PPL: variants seen among roughly 807,000 people sequenced by gnomAD.
PPL encodes the protein periplakin.
In PPL, 198 loss-of-function variants were observed where a neutral mutation model predicts 194.4. That is an observed-to-expected ratio of 1.02 (90% CI 0.91 to 1.15). The LOEUF (loss-of-function observed/expected upper bound fraction) is 1.15. PPL is among the 50% of genes most tolerant of loss of function. The probability of loss-of-function intolerance (pLI) is 0.00; values close to 1 mark genes in which losing one functional copy is unlikely to be tolerated. For synonymous variants in PPL, 1,220 were observed against 972.4 expected (o/e 1.25, Z -4.74); for missense variants, 2,885 against 2,294.8 (o/e 1.26, Z -5.25).
chr16:4,926,878 C>CAATAA (rs2089163552), intron 1 of PPL, among the ~76,000 whole-genome samples: 1 of 81,752 alleles, frequency 1.2e-5, no homozygotes, highest in Non-Finnish European at 2.4e-5. Flanking sequence ...GACTCTGTCT[C>CAATAA]AAAAAAAAAA....
chr16:4,888,950 T>G (rs540769729), intron 19 of PPL, 28 bp downstream of exon 19: 4 of 1,606,702 alleles, frequency 2.5e-6, no homozygotes, highest in Non-Finnish European at 3.4e-6. Context: ...CTGCTGTTTG[T>G]GCTTTGGGCG....
rs2142316809 is a variant in PPL, at chr16:4,883,168, A to G, written c.*216T>C. ...TTGTCCAGTCATTGGAGGATGAAGT[A>G]CGTCACTCAGGGTGAATGATGGTTG... On this transcript the variant is annotated 3_prime_UTR_variant, in exon 22 of 22. Coordinates refer to ENST00000345988, the MANE Select transcript of PPL (RefSeq NM_002705.5). The surrounding 1 kb of genome is among the most constrained non-coding windows in gnomAD (Gnocchi z 4.8). The G allele has an allele frequency of 1.7e-6, 1 of 593,574 alleles. No homozygotes were observed. Among genetic ancestry groups the G allele is most frequent in the Non-Finnish European group, 2.9e-6 (1 of 340,598 alleles). The allele number at this position is 593,574 out of a possible 1,614,324, so 36.8% of individuals were successfully genotyped here.
At chr16:4,895,521 G>C (rs769688892) in intron 10 of PPL, 73 bp downstream of exon 10, 44 of 1,609,886 alleles carry the variant, frequency 2.7e-5, no homozygotes, top group Non-Finnish European at 3.5e-5. Flanking sequence ...GGCCTGTACA[G>C]GGCTGAGGGC....
chr16:4,903,007 C>A (rs2088607957), intron 3 of PPL, among the ~76,000 whole-genome samples: 1 of 152,144 alleles, frequency 6.6e-6, no homozygotes, highest in South Asian at 2.1e-4. Flanking sequence ...TTTCCCTCAA[C>A]CTTCCTTCCC....
chr16:4,933,924 C>G (rs2089258445), intron 1 of PPL, among the ~76,000 whole-genome samples: 1 of 152,230 alleles, frequency 6.6e-6, no homozygotes, highest in South Asian at 2.1e-4. Flanking sequence ...GATGCTATTA[C>G]CTGCGGCCGC....
At position 4,892,127 on chromosome 16, in the gene PPL, G is replaced by A. The variant is rs1460406545; in HGVS notation, c.1737C>T (p.Gly579=). The A allele has an allele frequency of 6.2e-6, 10 of 1,613,664 alleles. No individual in the cohort carries two copies. The highest frequency in any genetic ancestry group is 1.1e-5 in the South Asian group (1 of 91,086). ...TCCTCAGCAGGGGTGTGGTGCCACT[G>A]CCTGGGAGGGCCTGGATGAAGGCTT... ...EGEAFIQALP[G]SGTTPLLRTR... The change falls in exon 15 of 22, where the codon GGC becomes GGT. Residue 579 remains glycine (G), a synonymous_variant. Coordinates refer to ENST00000345988, the MANE Select transcript of PPL (RefSeq NM_002705.5).
chr16:4,891,865 A>T lies in PPL; in HGVS notation c.1914T>A (p.Asp638Glu). ...CACGGCTGCTCTCAGGCACTGTGTCATCCTGATTCAGATGGTTCTCGTGTG... is the reference window on the plus strand; with the variant it reads ...CACGGCTGCTCTCAGGCACTGTGTCTTCCTGATTCAGATGGTTCTCGTGTG... ...LATHENHLNQ[D>E]DTVPESSRVL... is the part of the protein sequence containing the mutation. The change falls in exon 16 of 22, where the codon GAT becomes GAA. Residue 638 changes from aspartate to glutamate, a missense_variant. Physicochemically the swap from Asp to Glu is conservative, Grantham distance 45 (BLOSUM62 2). Coordinates refer to ENST00000345988, the MANE Select transcript of PPL (RefSeq NM_002705.5). The T allele has an allele frequency of 6.2e-7, 1 of 1,613,506 alleles. No homozygotes were observed. The highest frequency in any genetic ancestry group is 8.5e-7 in the Non-Finnish European group (1 of 1,179,986).
rs1196021948 is a variant in PPL, at chr16:4,884,206, G to T, written c.4449C>A (p.Leu1483=). The T allele has an allele frequency of 6.2e-7, 1 of 1,613,838 alleles. No homozygotes were observed. ...RQLLEGELET[L]RRKLAALEKA... ...TCTCCAGTGCAGCCAGTTTCCTCCG[G>T]AGGGTCTCGAGCTCCCCCTCCAGGA... The change falls in exon 22 of 22, where the codon CTC becomes CTA. Residue 1483 remains leucine, a synonymous_variant. Coordinates refer to ENST00000345988, the MANE Select transcript of PPL (RefSeq NM_002705.5). The surrounding 1 kb of genome is among the most constrained non-coding windows in gnomAD (Gnocchi z 5.7).
chr16:4,883,646 G>C lies in PPL; in HGVS notation c.5009C>G (p.Ser1670Cys). 6.2e-7 allele frequency: 1 copy of C among 1,614,216 alleles called. No homozygotes were observed. Residue 1670 changes from serine (S) to cysteine (C), a missense_variant, in exon 22 of 22, where the codon TCC becomes TGC. Coordinates refer to ENST00000345988, the MANE Select transcript of PPL (RefSeq NM_002705.5). The surrounding 1 kb of genome is among the most constrained non-coding windows in gnomAD (Gnocchi z 4.8). ...CCCGGCACGGTGGGCTTCCTCCGGG[G>C]ACAGCTCGCGGCCTGTGTCAGGGTG... ...VIHPDTGREL[S>C]PEEAHRAGLI...
At chr16:4,887,318 G>C (rs1327774285) in intron 20 of PPL, 91 bp from the exon 21 acceptor site, 1 of 977,002 alleles carries the variant, frequency 1.0e-6, no homozygotes, top group Non-Finnish European at 1.6e-6. Flanking sequence ...TGGTTCTTGA[G>C]AAGTGTGGAA....
Position 4,897,753 on chromosome 16 carries a change from C to T in PPL, c.894G>A (p.Val298=). The T allele has an allele frequency of 1.9e-6, 3 of 1,613,794 alleles. No homozygotes were observed. Among genetic ancestry groups the T allele is most frequent in the Admixed American group, 3.3e-5 (2 of 60,022 alleles). Residue 298 remains valine, a synonymous_variant, in exon 9 of 22, where the codon GTG becomes GTA. Transcript: ENST00000345988. ...TCAGGTACTCCTTCCAGTCTGCGTG[C>T]ACAGCCTCCATGTGCGCCTGCCAGG... ...RNSIEAHMEA[V]HADWKEYLNL... is the part of the protein sequence containing the mutation.
At chr16:4,891,756 C>G in intron 16 of PPL, 55 bp downstream of exon 16, 1 of 1,543,208 alleles carries the variant, frequency 6.5e-7, no homozygotes. Context: ...GTGGATGTGC[C>G]AGATGCTCTC....
chr16:4,934,456 C>G (rs1217796103), intron 1 of PPL, among the ~76,000 whole-genome samples: 1 of 152,098 alleles, frequency 6.6e-6, no homozygotes, highest in African/African-American at 2.4e-5. Flanking sequence ...CAGCACTGCT[C>G]CTCCCAGCAG....
At chr16:4,905,409 CT>C (rs1028706034) in intron 2 of PPL, among the ~76,000 whole-genome samples, 2 of 152,134 alleles carry the variant, frequency 1.3e-5, no homozygotes, top group Non-Finnish European at 2.9e-5. Flanking sequence ...TGGAAAGTCA[CT>C]GTCTCTTAAG....
intron 2 of PPL, among the ~76,000 whole-genome samples, chr16:4,905,884 G>A (rs1285519854): frequency 2.0e-5 from 3 of 152,176 alleles, no homozygotes; most frequent in Non-Finnish European, 4.4e-5. Context: ...GCAGGAGGAT[G>A]GCTTGAGCCC....
At chr16:4,910,796 A>C in intron 2 of PPL, 54 bp downstream of exon 2, 1 of 1,453,800 alleles carries the variant, frequency 6.9e-7, no homozygotes, top group Non-Finnish European at 9.7e-7. Context: ...CCTGGTCCTG[A>C]ACAGGGCTGG....
rs748072122 is a variant in PPL, at chr16:4,899,102, G to C, written c.787C>G (p.Leu263Val). The C allele has an allele frequency of 4.3e-6, 7 of 1,613,880 alleles. No homozygotes were observed. In the South Asian group the frequency reaches 7.7e-5, roughly 18 times the overall value. Residue 263 changes from leucine (L) to valine (V), a missense_variant, in exon 8 of 22, where the codon CTG (leucine) becomes GTG (valine). Physicochemically the swap from Leu to Val is conservative, Grantham distance 32. Transcript: ENST00000345988. ...TTGATTCTCTCCTCTTTGGCCTCCA[G>C]GTTCCGGTTGATGAAATTCTGCAGT... Reference protein sequence around the residue: ...RQYENFINRNLEAKEERINKL... With the variant: ...RQYENFINRNVEAKEERINKL...
chr16:4,905,716 G>A (rs1028694687), intron 2 of PPL, among the ~76,000 whole-genome samples: 2 of 152,228 alleles, frequency 1.3e-5, no homozygotes, highest in African/African-American at 4.8e-5. Context: ...GGAAGAAAAT[G>A]TGTCAAGAGT....
Position 4,937,056 on chromosome 16 carries a change from GGGGT to G in PPL, c.-15_-12del. 2.8e-6 allele frequency: 4 copies of G among 1,429,184 alleles called. No homozygotes were observed. Among genetic ancestry groups the G allele is most frequent in the Non-Finnish European group, 3.7e-6 (4 of 1,083,950 alleles). 88.5% of individuals were successfully genotyped at this position (1,429,184 alleles called of 1,614,324 possible). ...GAAGAGCGAGTTCATGGTGGCGCTC[GGGGT>G]GCGGGCGGCGGCGGCTGGCGGGCCG... is the stretch of plus-strand genomic sequence containing the variant. On this transcript the variant is annotated 5_prime_UTR_variant, in exon 1 of 22. Transcript: ENST00000345988.
Sources: gnomAD v4.1 joint callset for allele counts (sites outside exome capture counted in the v4.1 genomes callset) on GRCh38, gnomAD v4.1.1 for gene constraint, Gnocchi (gnomAD v3.1) non-coding constraint, MANE v1.5 for transcripts, NCBI Gene and HGNC (gene_info 2026-07-23, HGNC 2026-07-21) for gene names.